The following KIF24 variants were observed in gnomAD, a reference collection of about 807,000 sequenced individuals.
The protein encoded by KIF24 is kinesin-like protein KIF24.
In KIF24, 81 loss-of-function variants were observed where a neutral mutation model predicts 118.9. The observed-to-expected ratio is 0.68, with a 90% CI of 0.57 to 0.82. The LOEUF (loss-of-function observed/expected upper bound fraction) is 0.82. Among genes scored for constraint, KIF24 ranks in the 40% least tolerant of loss-of-function variants. KIF24 has a pLI of 0.00. For synonymous variants in KIF24, 599 were observed against 610.0 expected, an observed-to-expected ratio of 0.98 and a Z score of 0.27; for missense variants, 1,560 against 1,661.6, an observed-to-expected ratio of 0.94 and a Z score of 1.06.
chr9:34,303,345 G>A (rs1030779803), intron 3 of KIF24, among the ~76,000 whole-genome samples: 2 of 147,556 alleles, frequency 1.4e-5, no homozygotes, highest in Non-Finnish European at 3.1e-5. Flanking sequence ...AAAAGTATGT[G>A]TATTATTTAG....
intron 1 of KIF24, among the ~76,000 whole-genome samples, 53 bp downstream of exon 1, chr9:34,329,053 C>T (rs1412342557): frequency 3.9e-5 from 6 of 152,258 alleles, no homozygotes; most frequent in Admixed American, 3.9e-4. Flanking sequence ...CGGGCAGGCG[C>T]CACGGTTCCG....
intron 3 of KIF24, among the ~76,000 whole-genome samples, chr9:34,302,623 G>A (rs1836764284): frequency 6.6e-6 from 1 of 151,420 alleles, no homozygotes; most frequent in Non-Finnish European, 1.5e-5. Flanking sequence ...GTGCCACCAG[G>A]CCCAGCTAAT....
At position 34,318,656 on chromosome 9, in the gene KIF24, G is replaced by GCTCCAC; in HGVS notation, c.-25-7286_-25-7285insGTGGAG. The GCTCCAC allele has an allele frequency of 6.5e-7, 1 of 1,531,410 alleles. No homozygotes were observed. Among genetic ancestry groups the GCTCCAC allele is most frequent in the Middle Eastern group, 2.3e-4 (1 of 4,406 alleles). The allele number at this position is 1,531,410 out of a possible 1,614,324, so 94.9% of individuals were successfully genotyped here. A position where few individuals can be genotyped will look rare whatever the true frequency, so the allele number is the denominator to read the frequency against. On this transcript the variant is annotated intron_variant, in intron 1 of 12. Coordinates refer to ENST00000402558, the MANE Select transcript of KIF24 (RefSeq NM_194313.4). The surrounding 1 kb of genome is among the most constrained non-coding windows in gnomAD (Gnocchi z 4.9). ...GTCGTTGGGGCTCGTGTCGCTGGGC[G>GCTCCAC]GCAAGGCGACCACGGCGTCGGAGGC... is the stretch of plus-strand genomic sequence containing the variant.
chr9:34,296,370 C>A (rs1322461077), intron 4 of KIF24, among the ~76,000 whole-genome samples: 2 of 140,508 alleles, frequency 1.4e-5, no homozygotes, highest in Non-Finnish European at 3.1e-5. Context: ...ACTAAAAATA[C>A]AAAAAAATTA....
At chr9:34,286,850 C>T (rs1836070454) in intron 5 of KIF24, 146 bp from the exon 6 acceptor site, 1 of 619,660 alleles carries the variant, frequency 1.6e-6, no homozygotes, top group Non-Finnish European at 2.9e-6. Flanking sequence ...CCCAACCCCA[C>T]CCTCCTGACC....
intron 2 of KIF24, among the ~76,000 whole-genome samples, chr9:34,307,906 G>A (rs559554360): frequency 1.3e-5 from 2 of 151,354 alleles, no homozygotes; most frequent in East Asian, 1.9e-4. Flanking sequence ...ATTGGATGAT[G>A]GACATATTGG....
intron 7 of KIF24, among the ~76,000 whole-genome samples, chr9:34,269,611 G>C (rs1361168321): frequency 6.6e-6 from 1 of 151,952 alleles, no homozygotes; most frequent in Non-Finnish European, 1.5e-5. Flanking sequence ...AGTAGAGTCA[G>C]GATTTCACCG....
chr9:34,311,681 T>TATATATACGTATATATGTAC (rs1300174884), intron 1 of KIF24, among the ~76,000 whole-genome samples: 6 of 115,486 alleles, frequency 5.2e-5, no homozygotes, highest in East Asian at 4.4e-4. Flanking sequence ...TGTATATGTA[T>TATATATACGTATATATGTAC]ATATATACGT....
intron 9 of KIF24, among the ~76,000 whole-genome samples, chr9:34,262,692 ATATATATATATATATATATATG>A (rs1382542953): frequency 2.2e-5 from 1 of 46,236 alleles, no homozygotes; most frequent in South Asian, 8.2e-4. Flanking sequence ...ATATATATAT[ATATATATATATATATATATATG>A]GCCAGGCATG....
At chr9:34,272,466 G>T (rs1835541673) in intron 6 of KIF24, among the ~76,000 whole-genome samples, 1 of 152,220 alleles carries the variant, frequency 6.6e-6, no homozygotes, top group African/African-American at 2.4e-5. Context: ...TAGACTGGGA[G>T]TAAAGACTAA....
intron 1 of KIF24, among the ~76,000 whole-genome samples, chr9:34,320,666 A>AG (rs1445408441): frequency 4.0e-5 from 6 of 150,788 alleles, no homozygotes; most frequent in African/African-American, 1.5e-4. Context: ...CTCAAAAAAA[A>AG]AAAAAAAAAA....
intron 1 of KIF24, among the ~76,000 whole-genome samples, chr9:34,327,843 A>ATAATAAT (rs764889001): frequency 9.6e-6 from 1 of 104,434 alleles, no homozygotes; most frequent in East Asian, 2.8e-4. Context: ...TCTAATAAAA[A>ATAATAAT]AAAAATAATA....
intron 6 of KIF24, among the ~76,000 whole-genome samples, chr9:34,282,985 GA>G (rs1238915948): frequency 6.9e-6 from 1 of 145,232 alleles, no homozygotes; most frequent in Non-Finnish European, 1.5e-5. Context: ...CTGGGAAGCA[GA>G]GGTTGCAGTG....
At chr9:34,330,971 A>G (rs566192150), upstream of KIF24, among the ~76,000 whole-genome samples, 3 of 152,080 alleles carry the variant, frequency 2.0e-5, no homozygotes, top group African/African-American at 7.3e-5. Context: ...AAAAAAAAAA[A>G]GGTAGCTATT....
chr9:34,261,285 C>T (rs756545288), intron 9 of KIF24, among the ~76,000 whole-genome samples: 2 of 152,132 alleles, frequency 1.3e-5, no homozygotes, highest in African/African-American at 2.4e-5. Flanking sequence ...GGACACAAGG[C>T]GAAAAAGAAC....
At chr9:34,301,638 C>T (rs559640990) in intron 3 of KIF24, among the ~76,000 whole-genome samples, 2 of 152,156 alleles carry the variant, frequency 1.3e-5, no homozygotes, top group East Asian at 3.9e-4. Context: ...GAGTTTGAGA[C>T]CAGCCGAGGC....
chr9:34,327,592 T>C (rs1485322489), intron 1 of KIF24, among the ~76,000 whole-genome samples: 1 of 152,128 alleles, frequency 6.6e-6, no homozygotes, highest in Non-Finnish European at 1.5e-5. Flanking sequence ...TGGTAACTAC[T>C]ACTTTCAGCA....
chr9:34,285,948 A>G (rs1370307315), intron 6 of KIF24, among the ~76,000 whole-genome samples: 1 of 151,200 alleles, frequency 6.6e-6, no homozygotes, highest in East Asian at 1.9e-4. Context: ...AAAAAAAAAA[A>G]AAGTAAAAAG....
intron 2 of KIF24, among the ~76,000 whole-genome samples, chr9:34,308,376 T>C (rs1213430726): frequency 3.3e-5 from 5 of 151,788 alleles, no homozygotes; most frequent in Non-Finnish European, 7.4e-5. Context: ...CTCTGCCTCC[T>C]GGGTTCAAGC....
Sources: allele counts gnomAD v4.1 joint callset (sites outside exome capture counted in the v4.1 genomes callset), GRCh38; gene constraint gnomAD v4.1.1; non-coding constraint Gnocchi (gnomAD v3.1); transcripts MANE v1.5; gene names NCBI Gene and HGNC (gene_info 2026-07-23, HGNC 2026-07-21).